Variants in CNOT7 observed in about 807,000 individuals in gnomAD.
CNOT7 encodes BTG1-binding factor 1.
A neutral mutation model predicts 37.1 loss-of-function variants in CNOT7; 4 were observed. That is an observed-to-expected ratio of 0.11 (90% CI 0.05 to 0.25). The LOEUF (loss-of-function observed/expected upper bound fraction) is 0.25. Ranked by LOEUF, CNOT7 falls within the 10% of genes least tolerant of loss-of-function variation. The probability of loss-of-function intolerance (pLI) is 1.00; values close to 1 mark genes in which losing one functional copy is unlikely to be tolerated. For missense variants in CNOT7, 170 were observed against 336.2 expected, an observed-to-expected ratio of 0.51 and a Z score of 3.87; for synonymous variants, 128 against 115.6, an observed-to-expected ratio of 1.11 and a Z score of -0.69.
chr8:17,239,715 G>C (rs1360242798), intron 3 of CNOT7, among the ~76,000 whole-genome samples: 4 of 151,908 alleles, frequency 2.6e-5, no homozygotes, highest in South Asian at 2.1e-4. Context: ...GGATGTTCTC[G>C]ATCTCCTGAC....
intron 3 of CNOT7, among the ~76,000 whole-genome samples, chr8:17,241,120 T>A (rs1159308407): frequency 6.6e-6 from 1 of 152,080 alleles, no homozygotes; most frequent in Non-Finnish European, 1.5e-5. Context: ...CAGGCTGGAG[T>A]GCAGTGGTGC....
intron 3 of CNOT7, among the ~76,000 whole-genome samples, chr8:17,240,234 T>C (rs1006102272): frequency 6.6e-6 from 1 of 152,246 alleles, no homozygotes; most frequent in African/African-American, 2.4e-5. Flanking sequence ...CTTAAACATC[T>C]CCTAACATCA....
rs539570570 is a variant in CNOT7, at chr8:17,226,912, C to T, written c.*3808G>A. On this transcript the variant is annotated 3_prime_UTR_variant, in exon 7 of 7. Coordinates refer to ENST00000361272, the MANE Select transcript of CNOT7 (RefSeq NM_013354.7). Reference sequence around the variant, plus strand: ...TTCTCATTCAGAAAAATTTCAATGTCAGCCCAGAGCCCAAAAAAATAAAAA... The same window carrying T: ...TTCTCATTCAGAAAAATTTCAATGTTAGCCCAGAGCCCAAAAAAATAAAAA... The T allele has an allele frequency of 7.5e-4, 114 of 151,538 alleles. No individual in the cohort carries two copies. The highest frequency in any genetic ancestry group is 2.5e-3 in the African/African-American group (104 of 41,424). The allele number at this position is 151,538 out of a possible 1,614,324, so 9.4% of individuals were successfully genotyped here.
chr8:17,227,080 CCAGTT>C lies in CNOT7; in HGVS notation c.*3635_*3639del, dbSNP rs1471592657. Reference sequence around the variant, plus strand: ...AAGAGCAAATGAAGTTAACTGTTGACCAGTTCAGTAACACCAATATTTCCTGTGAA... The same window carrying C: ...AAGAGCAAATGAAGTTAACTGTTGACCAGTAACACCAATATTTCCTGTGAA... On this transcript the variant is annotated 3_prime_UTR_variant, in exon 7 of 7. Coordinates refer to ENST00000361272, the MANE Select transcript of CNOT7 (RefSeq NM_013354.7). 1 of 151,650 alleles carries C rather than the reference CCAGTT, an allele frequency of 6.6e-6. No individual in the cohort carries two copies. The highest frequency in any genetic ancestry group is 2.1e-4 in the South Asian group (1 of 4,810). The allele number at this position is 151,650 out of a possible 1,614,324, so 9.4% of individuals were successfully genotyped here.
chr8:17,227,448 T>C lies in CNOT7; in HGVS notation c.*3272A>G, dbSNP rs930609461. On this transcript the variant is annotated 3_prime_UTR_variant, in exon 7 of 7. Coordinates refer to ENST00000361272, the MANE Select transcript of CNOT7 (RefSeq NM_013354.7). ...AAAATCCTCATTCTTCAAACTACTG[T>C]TCTCATCAAAGGGCTGATGTCTTAA... 2.0e-5 allele frequency: 3 copies of C among 151,984 alleles called. No homozygotes were observed. The highest frequency in any genetic ancestry group is 4.4e-5 in the Non-Finnish European group (3 of 67,798). 9.4% of individuals were successfully genotyped at this position (151,984 alleles called of 1,614,324 possible).
chr8:17,232,665 T>C (rs760351237), intron 5 of CNOT7, 128 bp from the exon 6 acceptor site: 82 of 732,406 alleles, frequency 1.1e-4, no homozygotes, highest in African/African-American at 4.2e-4. Flanking sequence ...CTTATAAAGA[T>C]TGGGGGGAAG....
At chr8:17,238,113 ATG>A (rs1809626674) in intron 3 of CNOT7, among the ~76,000 whole-genome samples, 1 of 152,256 alleles carries the variant, frequency 6.6e-6, no homozygotes, top group Admixed American at 6.5e-5. Flanking sequence ...AACCACAAAT[ATG>A]TGTATCTGAA....
chr8:17,244,447 G>A (rs1025979844), intron 2 of CNOT7: 1 of 150,984 alleles, frequency 6.6e-6, no homozygotes, highest in African/African-American at 2.4e-5. Context: ...GTTGCTAGGA[G>A]CAGACCTGGC....
At chr8:17,243,740 A>G in intron 2 of CNOT7, 1 of 432,536 alleles carries the variant, frequency 2.3e-6, no homozygotes, top group Non-Finnish European at 4.7e-6. Flanking sequence ...GTAGGATGTT[A>G]TCACTTCTCT....
intron 6 of CNOT7, 40 bp downstream of exon 6, chr8:17,232,387 C>T (rs1808755457): frequency 2.5e-6 from 4 of 1,613,360 alleles, no homozygotes; most frequent in Non-Finnish European, 3.4e-6. Flanking sequence ...TGTTCTCAAC[C>T]TAACAACCAA....
chr8:17,233,376 T>C (rs564426316), intron 5 of CNOT7, among the ~76,000 whole-genome samples: 2 of 152,166 alleles, frequency 1.3e-5, no homozygotes, highest in Admixed American at 6.5e-5. Flanking sequence ...GAGGATTAGG[T>C]ATCGTTAGCA....
intron 6 of CNOT7, chr8:17,231,417 T>C: frequency 1.8e-6 from 1 of 561,302 alleles, no homozygotes; most frequent in Non-Finnish European, 2.3e-6. Flanking sequence ...CAAAAGGTTG[T>C]TTCAATTATC....
chr8:17,240,403 G>A (rs1283074647), intron 3 of CNOT7, among the ~76,000 whole-genome samples: 1 of 150,984 alleles, frequency 6.6e-6, no homozygotes, highest in Non-Finnish European at 1.5e-5. Flanking sequence ...TGTATTTTAT[G>A]TGTGGCCCAA....
In CNOT7 at chr8:17,227,147, G is replaced by C. The variant is rs1463576296; in HGVS notation, c.*3573C>G. The C allele has an allele frequency of 4.0e-5, 6 of 151,804 alleles. No individual in the cohort carries two copies. The highest frequency in any genetic ancestry group is 1.3e-4 in the Admixed American group (2 of 15,220). 9.4% of individuals were successfully genotyped at this position (151,804 alleles called of 1,614,324 possible). ...TGAATAATCAAGTGAGTAACTACAG[G>C]CTTTAAACAACTTACGTTTTCACAA... On this transcript the variant is annotated 3_prime_UTR_variant, in exon 7 of 7. Coordinates refer to ENST00000361272, the MANE Select transcript of CNOT7 (RefSeq NM_013354.7).
rs1227522181 is a variant in CNOT7, at chr8:17,226,356, G to GT, written c.*4363dup. ...ATGCTGATGTGTAATGGGATTTCAC[G>GT]TATTTCATCTTTGAAAATGTCTTTT... is the stretch of plus-strand genomic sequence containing the variant. On this transcript the variant is annotated 3_prime_UTR_variant, in exon 7 of 7. Transcript: ENST00000361272. 2 of 150,582 alleles carry GT rather than the reference G, an allele frequency of 1.3e-5. No homozygotes were observed. Among genetic ancestry groups the GT allele is most frequent in the African/African-American group, 4.8e-5 (2 of 41,244 alleles). The allele number at this position is 150,582 out of a possible 1,614,324, so 9.3% of individuals were successfully genotyped here.
chr8:17,231,704 G>T, intron 6 of CNOT7: 2 of 985,278 alleles, frequency 2.0e-6, no homozygotes, highest in Non-Finnish European at 2.4e-6. Context: ...TTTACCTATA[G>T]CTAGGTGTAT....
chr8:17,233,509 C>T (rs947549198), intron 5 of CNOT7, among the ~76,000 whole-genome samples: 3 of 152,190 alleles, frequency 2.0e-5, no homozygotes, highest in Non-Finnish European at 4.4e-5. Flanking sequence ...TTCAGAATAT[C>T]TGTACTTAGA....
chr8:17,240,802 T>C (rs571960011), intron 3 of CNOT7, among the ~76,000 whole-genome samples: 1 of 152,316 alleles, frequency 6.6e-6, no homozygotes, highest in East Asian at 1.9e-4. Flanking sequence ...GTTTCACAGA[T>C]GTAGTTCTTA....
intron 2 of CNOT7, chr8:17,244,235 T>C (rs1810578268): frequency 6.5e-6 from 1 of 153,134 alleles, no homozygotes; most frequent in Non-Finnish European, 1.5e-5. Flanking sequence ...AATCATTAAC[T>C]GGATAGACAA....
Sources: allele counts gnomAD v4.1 joint callset (sites outside exome capture counted in the v4.1 genomes callset), GRCh38; gene constraint gnomAD v4.1.1; transcripts MANE v1.5; gene names NCBI Gene and HGNC (gene_info 2026-07-23, HGNC 2026-07-21).